SLC61A1: variants seen among roughly 807,000 people sequenced by gnomAD.
The protein encoded by SLC61A1 is major facilitator superfamily domain containing 5.
At chr12:53,251,424 C>G in the SLC61A1 span, 3 of 353,400 alleles carry the variant, frequency 8.5e-6, no homozygotes, top group African/African-American at 2.1e-5. Flanking sequence ...GATACGGAAG[C>G]TGTAGAGAGG....
chr12:53,253,013 G>A, the SLC61A1 span: 3 of 1,614,032 alleles, frequency 1.9e-6, no homozygotes, highest in African/African-American at 4.0e-5. Context: ...TTGGCTTCAG[G>A]CCCCCTACCT....
chr12:53,251,717 T>C, the SLC61A1 span: 1 of 1,530,294 alleles, frequency 6.5e-7, no homozygotes, highest in East Asian at 2.4e-5. Flanking sequence ...GTCTGGACCA[T>C]ACTGGCTTCT....
At chr12:53,252,008 C>A in the SLC61A1 span, 2 of 1,533,998 alleles carry the variant, frequency 1.3e-6, no homozygotes, top group Non-Finnish European at 1.7e-6. Flanking sequence ...TCCCGACCCA[C>A]CCCAGGCGTC....
the SLC61A1 span, chr12:53,252,168 G>A: frequency 1.4e-6 from 2 of 1,430,546 alleles, no homozygotes; most frequent in Non-Finnish European, 1.8e-6. Context: ...GGGCGGGAGC[G>A]CTGCTGGAAC....
the SLC61A1 span, chr12:53,252,156 A>G: frequency 1.4e-6 from 2 of 1,433,898 alleles, no homozygotes; most frequent in African/African-American, 1.4e-5. Flanking sequence ...GCAGGCTGTG[A>G]GGGGCGGGAG....
the SLC61A1 span, chr12:53,253,145 C>T: frequency 2.5e-6 from 4 of 1,614,224 alleles, no homozygotes; most frequent in East Asian, 2.2e-5. Context: ...TTGGCTGGGT[C>T]GCAAGAATTC....
chr12:53,252,179 C>T, the SLC61A1 span: 1 of 1,422,870 alleles, frequency 7.0e-7, no homozygotes, highest in Non-Finnish European at 9.1e-7. Context: ...CTGCTGGAAC[C>T]CGAGCCGGAG....
At chr12:53,253,095 C>G in the SLC61A1 span, 1 of 1,614,234 alleles carries the variant, frequency 6.2e-7, no homozygotes, top group Non-Finnish European at 8.5e-7. Flanking sequence ...GGCCTTGCCT[C>G]TACAGTCCTC....
At chr12:53,252,112 T>G in the SLC61A1 span, 4 of 1,448,812 alleles carry the variant, frequency 2.8e-6, no homozygotes, top group East Asian at 2.5e-5. Flanking sequence ...GAAGCCATCA[T>G]GGCGGCGGCC....
At chr12:53,252,055 CGGGCG>C in the SLC61A1 span, 3 of 160,934 alleles carry the variant, frequency 1.9e-5, no homozygotes, top group South Asian at 3.0e-4. Flanking sequence ...GGAGGGCGGG[CGGGCG>C]GGGCGGGGCG....
the SLC61A1 span, chr12:53,253,893 C>T: frequency 2.5e-6 from 4 of 1,614,172 alleles, no homozygotes; most frequent in South Asian, 2.2e-5. Flanking sequence ...ATTGAGTTGG[C>T]TTGTGGATTA....
the SLC61A1 span, chr12:53,253,861 G>A: frequency 6.2e-7 from 1 of 1,614,200 alleles, no homozygotes; most frequent in Admixed American, 1.7e-5. Flanking sequence ...GTCCGGTGGA[G>A]TCCTTCATAG....
chr12:53,254,202 C>A, the SLC61A1 span: 1 of 1,609,576 alleles, frequency 6.2e-7, no homozygotes, highest in Non-Finnish European at 8.5e-7. Context: ...CACTCCAGGA[C>A]AAGATAGCTG....
At chr12:53,251,780 C>A in the SLC61A1 span, 1 of 1,537,262 alleles carries the variant, frequency 6.5e-7, no homozygotes, top group South Asian at 1.2e-5. Context: ...GAGACCTTCT[C>A]GGCTTCGGGC....
the SLC61A1 span, chr12:53,251,614 C>T: frequency 9.2e-7 from 1 of 1,088,180 alleles, no homozygotes; most frequent in Non-Finnish European, 1.3e-6. Flanking sequence ...TTGCCCAAGG[C>T]CACACAGCTG....
the SLC61A1 span, chr12:53,252,536 C>T: frequency 1.5e-4 from 207 of 1,366,914 alleles, no homozygotes; most frequent in African/African-American, 2.5e-3. Flanking sequence ...GTAGAATTTG[C>T]GGGAGCGGGA....
chr12:53,253,663 A>G, the SLC61A1 span: 8 of 1,614,100 alleles, frequency 5.0e-6, no homozygotes, highest in East Asian at 1.8e-4. Context: ...TGCTGGACCC[A>G]CACGGGGCCC....
chr12:53,253,290 A>G, the SLC61A1 span: 18 of 1,614,120 alleles, frequency 1.1e-5, no homozygotes, highest in East Asian at 2.2e-5. Context: ...GAGGCCTGGT[A>G]TATCCATGAG....
At chr12:53,253,588 G>A in the SLC61A1 span, 5 of 1,613,212 alleles carry the variant, frequency 3.1e-6, no homozygotes, top group Non-Finnish European at 4.2e-6. Flanking sequence ...GCGTGCTGCT[G>A]TTGGGCACCA....
Sources: allele counts gnomAD v4.1 joint callset, GRCh38; gene constraint gnomAD v4.1.1; transcripts MANE v1.5; gene names NCBI Gene and HGNC (gene_info 2026-07-23, HGNC 2026-07-21).